Variants in DOCK5 observed in about 807,000 individuals in gnomAD.
DOCK5 encodes dedicator of cytokinesis protein 5.
A neutral mutation model predicts 251.8 loss-of-function variants in DOCK5; 142 were observed. The ratio of observed to expected loss-of-function variants is 0.56; its 90% CI spans 0.49 to 0.65. The LOEUF is 0.65. DOCK5 is among the 30% of genes least tolerant of loss of function. The pLI, the probability that DOCK5 is intolerant of heterozygous loss-of-function variation, is 0.00. For synonymous variants in DOCK5, 842 were observed against 835.5 expected (o/e 1.01, Z -0.13); for missense variants, 2,111 against 2,312.3 (o/e 0.91, Z 1.79).
chr8:25,372,121 G>T (rs1041951552), intron 34 of DOCK5, among the ~76,000 whole-genome samples: 1 of 152,246 alleles, frequency 6.6e-6, no homozygotes, highest in Admixed American at 6.5e-5. Context: ...TTCAGAGGAT[G>T]CCCTGAGTGC....
chr8:25,287,146 C>G (rs1710450783), intron 5 of DOCK5, among the ~76,000 whole-genome samples: 1 of 152,050 alleles, frequency 6.6e-6, no homozygotes, highest in South Asian at 2.1e-4. Flanking sequence ...GTGTTTATCT[C>G]TAGACATTCT....
At chr8:25,237,748 A>T (rs1454930331) in intron 1 of DOCK5, among the ~76,000 whole-genome samples, 5 of 152,178 alleles carry the variant, frequency 3.3e-5, no homozygotes. Flanking sequence ...CTCAGTCAAA[A>T]CAAGAGATTG....
In DOCK5 at chr8:25,410,151, A is replaced by C. The variant is rs755080396; in HGVS notation, c.5457A>C (p.Pro1819=). Residue 1819 remains proline, a synonymous_variant, in exon 51 of 52, where the codon CCA becomes CCC. Transcript: ENST00000276440. The stretch of plus-strand genomic sequence containing the variant: ...TCGCGGCCACTCCTGTCCCACCTCC[A>C]CCTCCCCCCAAAAGCAAGCCCTATG... The part of the protein sequence containing the change: ...DGIAATPVPP[P]PPPKSKPYEG... 30 of 1,612,392 alleles carry C rather than the reference A, an allele frequency of 1.9e-5. No individual in the cohort carries two copies. The Admixed American group carries it at 4.7e-4, about 25-fold the overall frequency.
intron 1 of DOCK5, among the ~76,000 whole-genome samples, chr8:25,233,110 TCTC>T (rs1285039350): frequency 2.0e-5 from 3 of 151,908 alleles, no homozygotes; most frequent in African/African-American, 7.3e-5. Flanking sequence ...AATTCTCCAC[TCTC>T]CTGGTCTCAG....
At chr8:25,214,968 AAG>A (rs1413565753) in intron 1 of DOCK5, among the ~76,000 whole-genome samples, 3 of 152,164 alleles carry the variant, frequency 2.0e-5, no homozygotes, top group Non-Finnish European at 2.9e-5. Flanking sequence ...CCTGGAATGA[AAG>A]ACTTCCTATA....
chr8:25,313,667 G>A (rs1805159319), intron 13 of DOCK5, among the ~76,000 whole-genome samples: 1 of 152,200 alleles, frequency 6.6e-6, no homozygotes, highest in African/African-American at 2.4e-5. Context: ...TCAACACCAA[G>A]GTGACAGCAG....
chr8:25,324,451 G>A (rs1013437407), intron 17 of DOCK5, among the ~76,000 whole-genome samples: 1 of 152,196 alleles, frequency 6.6e-6, no homozygotes, highest in South Asian at 2.1e-4. Flanking sequence ...CACTTCTACT[G>A]AGATTTTAGA....
chr8:25,349,146 A>T (rs1156667488), intron 26 of DOCK5, among the ~76,000 whole-genome samples: 3 of 152,230 alleles, frequency 2.0e-5, no homozygotes, highest in African/African-American at 7.2e-5. Flanking sequence ...GACCCCAGGT[A>T]CTTGATACTG....
At chr8:25,198,995 G>A (rs1289703077) in intron 1 of DOCK5, among the ~76,000 whole-genome samples, 3 of 152,184 alleles carry the variant, frequency 2.0e-5, no homozygotes, top group Non-Finnish European at 1.5e-5. Flanking sequence ...AAGGAAGTGT[G>A]TTTGAGGAGG....
chr8:25,270,855 G>A (rs1171146738), intron 3 of DOCK5: 1 of 705,374 alleles, frequency 1.4e-6, no homozygotes, highest in South Asian at 1.5e-5. Context: ...ATATAAAATG[G>A]CATAGTATTT....
chr8:25,385,045 A>G (rs1801139793), intron 40 of DOCK5, among the ~76,000 whole-genome samples: 2 of 152,162 alleles, frequency 1.3e-5, no homozygotes, highest in African/African-American at 4.8e-5. Flanking sequence ...TAAGCATTGC[A>G]GGCAGAGGAA....
At chr8:25,269,557 C>T (rs1282289377) in intron 3 of DOCK5, among the ~76,000 whole-genome samples, 2 of 152,124 alleles carry the variant, frequency 1.3e-5, no homozygotes, top group African/African-American at 4.8e-5. Context: ...GCAACAAAGG[C>T]ACAGTTTGAA....
chr8:25,392,456 A>C (rs1801278181), intron 43 of DOCK5, among the ~76,000 whole-genome samples: 1 of 152,178 alleles, frequency 6.6e-6, no homozygotes, highest in Admixed American at 6.5e-5. Flanking sequence ...CTAGACAGCC[A>C]GCTGTCATCT....
In DOCK5 at chr8:25,280,779, C is replaced by T. The variant is rs563688318; in HGVS notation, c.321+2114C>T. 1.2e-4 allele frequency among the ~76,000 whole-genome samples: 18 copies of T among 152,212 alleles called. No individual in the cohort carries two copies. The South Asian group carries it at 1.9e-3, about 16-fold the overall frequency. On this transcript the variant is annotated intron_variant, in intron 5 of 51. Transcript: ENST00000276440. Reference sequence around the variant, plus strand: ...AGGATGGAGACACTGCTGTCAGCCCCGTGGCCTTCATTGATCATCTTGCAC... The same window carrying T: ...AGGATGGAGACACTGCTGTCAGCCCTGTGGCCTTCATTGATCATCTTGCAC...
intron 39 of DOCK5, among the ~76,000 whole-genome samples, chr8:25,382,448 G>T (rs985027781): frequency 1.3e-5 from 2 of 152,176 alleles, no homozygotes; most frequent in African/African-American, 2.4e-5. Flanking sequence ...ACACACTTCA[G>T]CATACACCCT....
At chr8:25,342,691 G>GTTTTTTTTTTTTTTTTTTTTT (rs1201632677) in intron 25 of DOCK5, among the ~76,000 whole-genome samples, 184 bp downstream of exon 25, 40 of 72,068 alleles carry the variant, frequency 5.6e-4, no homozygotes, top group Non-Finnish European at 6.4e-4. Context: ...GTTTTTTCTT[G>GTTTTTTTTTTTTTTTTTTTTT]TTTTTTTTTT....
intron 22 of DOCK5, among the ~76,000 whole-genome samples, chr8:25,337,886 G>A (rs1228162326): frequency 2.6e-5 from 4 of 151,934 alleles, no homozygotes; most frequent in Admixed American, 1.3e-4. Context: ...CGCCTGGCCC[G>A]ATACATTCTT....
chr8:25,321,805 A>G (rs1246269597), intron 16 of DOCK5, among the ~76,000 whole-genome samples: 1 of 152,102 alleles, frequency 6.6e-6, no homozygotes, highest in Non-Finnish European at 1.5e-5. Context: ...ATGCTACTAG[A>G]TGCTCTATAA....
intron 1 of DOCK5, among the ~76,000 whole-genome samples, chr8:25,191,689 G>A (rs2117441669): frequency 6.6e-6 from 1 of 152,032 alleles, no homozygotes; most frequent in East Asian, 1.9e-4. Flanking sequence ...TCTGATATAG[G>A]AAATGAGGTT....
Sources: allele counts gnomAD v4.1 joint callset (sites outside exome capture counted in the v4.1 genomes callset), GRCh38; gene constraint gnomAD v4.1.1; transcripts MANE v1.5; gene names NCBI Gene and HGNC (gene_info 2026-07-23, HGNC 2026-07-21).